Variants in NTNG1 observed in about 807,000 individuals in gnomAD.
The protein encoded by NTNG1 is netrin G1.
Under a neutral mutation model 54.0 loss-of-function variants are expected in NTNG1, and 16 were observed. That is an observed-to-expected ratio of 0.30 (90% CI 0.20 to 0.45). The LOEUF (loss-of-function observed/expected upper bound fraction) is 0.45. NTNG1 is among the 20% of genes least tolerant of loss of function. The pLI is 1.00. For missense variants in NTNG1, 530 were observed against 678.7 expected (o/e 0.78, Z 2.43); for synonymous variants, 255 against 263.1 (o/e 0.97, Z 0.30).
chr1:107,395,234 G>C lies in NTNG1; in HGVS notation c.968G>C (p.Gly323Ala). 1 of 1,613,596 alleles carries C rather than the reference G, an allele frequency of 6.2e-7. No homozygotes were observed. The highest frequency in any genetic ancestry group is 8.5e-7 in the Non-Finnish European group (1 of 1,179,644). Residue 323 changes from glycine (G) to alanine (A), a missense_variant, in exon 4 of 8, where the codon GGT becomes GCT. This residue lies in a region of NTNG1 where 318 missense variants were observed against 465.1 expected (regional missense o/e 0.68). Transcript: ENST00000370068. ...TGCGAATGTGAGCACAACACTACAG[G>C]TCCAGACTGTGGGAAATGCAAGAAG... ...LTCECEHNTT[G>A]PDCGKCKKNY...
intron 3 of NTNG1, 26 bp downstream of exon 3, chr1:107,324,948 A>G (rs758334490): frequency 2.3e-5 from 36 of 1,587,902 alleles, no homozygotes; most frequent in East Asian, 4.5e-5. Flanking sequence ...TCTGCCTTCA[A>G]TGGGAACGGG....
intron 4 of NTNG1, among the ~76,000 whole-genome samples, chr1:107,400,685 G>C: frequency 6.9e-6 from 1 of 143,966 alleles, no homozygotes; most frequent in South Asian, 2.2e-4. Flanking sequence ...TTTTGCTCTT[G>C]TTGCCCAGGC....
intron 7 of NTNG1, among the ~76,000 whole-genome samples, chr1:107,460,237 A>T (rs1385894238): frequency 6.6e-6 from 1 of 152,060 alleles, no homozygotes; most frequent in East Asian, 1.9e-4. Flanking sequence ...ATGCCATCAA[A>T]CCATGGCCTG....
At chr1:107,469,309 G>T (rs1677825873) in intron 7 of NTNG1, among the ~76,000 whole-genome samples, 1 of 152,096 alleles carries the variant, frequency 6.6e-6, no homozygotes, top group Non-Finnish European at 1.5e-5. Context: ...TATCCAACCT[G>T]AGTTGGCAAG....
At chr1:107,243,240 G>GA (rs1276888058) in intron 2 of NTNG1, among the ~76,000 whole-genome samples, 1 of 152,070 alleles carries the variant, frequency 6.6e-6, no homozygotes, top group Non-Finnish European at 1.5e-5. Context: ...AACATTGCTA[G>GA]AAAAAAAGCA....
chr1:107,224,731 A>G (rs1319993583), intron 2 of NTNG1, among the ~76,000 whole-genome samples: 1 of 152,176 alleles, frequency 6.6e-6, no homozygotes, highest in African/African-American at 2.4e-5. Flanking sequence ...GTTGCCTGGT[A>G]GTATAACAGA....
chr1:107,405,927 G>A (rs1673388110), intron 4 of NTNG1, among the ~76,000 whole-genome samples: 1 of 152,116 alleles, frequency 6.6e-6, no homozygotes, highest in Non-Finnish European at 1.5e-5. Context: ...GTAGTCTACT[G>A]AAGTGTCAGG....
intron 2 of NTNG1, chr1:107,260,809 C>T (rs1049711974): frequency 2.0e-5 from 3 of 152,238 alleles, no homozygotes; most frequent in Admixed American, 1.3e-4. Flanking sequence ...ACACCACACA[C>T]GTACCGCTCT....
chr1:107,276,696 A>G (rs370535274), intron 2 of NTNG1, among the ~76,000 whole-genome samples: 1 of 151,984 alleles, frequency 6.6e-6, no homozygotes, highest in East Asian at 1.9e-4. Context: ...AGCACCTAGT[A>G]CTCTACCTGA....
intron 2 of NTNG1, among the ~76,000 whole-genome samples, chr1:107,312,345 G>C (rs1355114819): frequency 6.6e-6 from 1 of 152,126 alleles, no homozygotes; most frequent in Non-Finnish European, 1.5e-5. Flanking sequence ...GCACAGGTGG[G>C]GGAGTAGGTT....
At chr1:107,165,266 A>G (rs1407492084) in intron 2 of NTNG1, among the ~76,000 whole-genome samples, 1 of 152,210 alleles carries the variant, frequency 6.6e-6, no homozygotes, top group Non-Finnish European at 1.5e-5. Context: ...TCAAAGAATA[A>G]GAGAGCTGAA....
rs746728015 is a variant in NTNG1 at position 107,484,786 on chromosome 1, T to G, written c.*3946T>G. 6.6e-6 allele frequency among the ~76,000 whole-genome samples: 1 copy of G among 152,190 alleles called. No individual in the cohort carries two copies. Among genetic ancestry groups the G allele is most frequent in the Non-Finnish European group, 1.5e-5 (1 of 68,024 alleles). ...ACCCTCTACCATCAATAATCCAGTA[T>G]GATTGGGATGTAAAGACCCAGCATT... On this transcript the variant is annotated 3_prime_UTR_variant, in exon 8 of 8. Transcript: ENST00000370068.
At chr1:107,234,120 GC>G (rs1283218650) in intron 2 of NTNG1, among the ~76,000 whole-genome samples, 1 of 152,038 alleles carries the variant, frequency 6.6e-6, no homozygotes, top group Non-Finnish European at 1.5e-5. Context: ...ATGGGCTAGG[GC>G]TGTTAAGAGA....
At chr1:107,480,576 G>GGGCCCC in intron 7 of NTNG1, 35 bp from the exon 8 acceptor site, 2 of 339,098 alleles carry the variant, frequency 5.9e-6, no homozygotes, top group Non-Finnish European at 1.1e-5. Context: ...TCCTCCCCGC[G>GGGCCCC]CCCACCCACC....
At chr1:107,270,324 G>C (rs1287105932) in intron 2 of NTNG1, among the ~76,000 whole-genome samples, 1 of 152,098 alleles carries the variant, frequency 6.6e-6, no homozygotes, top group Admixed American at 6.5e-5. Context: ...GCCATGGTTG[G>C]CTTATTTCTT....
intron 3 of NTNG1, among the ~76,000 whole-genome samples, 182 bp from the exon 4 acceptor site, chr1:107,394,971 GC>G (rs1557962384): frequency 6.6e-6 from 1 of 152,162 alleles, no homozygotes; most frequent in South Asian, 2.1e-4. Context: ...TAACAACCCT[GC>G]CCCCTGCAAA....
chr1:107,295,942 A>C (rs1404831078), intron 2 of NTNG1, among the ~76,000 whole-genome samples: 1 of 152,044 alleles, frequency 6.6e-6, no homozygotes, highest in Non-Finnish European at 1.5e-5. Context: ...GTCTCTTGTA[A>C]CTTCATATGC....
chr1:107,421,143 G>A, intron 5 of NTNG1: 1 of 1,601,838 alleles, frequency 6.2e-7, no homozygotes, highest in Non-Finnish European at 8.5e-7. Flanking sequence ...CCACAAGAGA[G>A]GTAGGAATTC....
intron 7 of NTNG1, among the ~76,000 whole-genome samples, chr1:107,440,102 G>A (rs1675874089): frequency 6.6e-6 from 1 of 151,870 alleles, no homozygotes; most frequent in Non-Finnish European, 1.5e-5. Flanking sequence ...GCTGACAGTG[G>A]TGTTGCAGTG....
Sources: allele counts gnomAD v4.1 joint callset (sites outside exome capture counted in the v4.1 genomes callset), GRCh38; gene constraint gnomAD v4.1.1; regional missense constraint gnomAD v4.1.1; transcripts MANE v1.5; gene names NCBI Gene and HGNC (gene_info 2026-07-23, HGNC 2026-07-21).